Variants in TSC1 observed in about 807,000 individuals in gnomAD.
TSC1 encodes TSC complex subunit 1, also known as hamartin.
In TSC1, 20 loss-of-function variants were observed where a neutral mutation model predicts 124.3. That is an observed-to-expected ratio of 0.16 (90% confidence interval 0.11 to 0.23). The LOEUF (loss-of-function observed/expected upper bound fraction) is 0.23, where lower values mean the gene tolerates loss of function less well. TSC1 is among the 10% of genes least tolerant of loss of function. TSC1 has a pLI of 1.00. For missense variants in TSC1, 1,124 were observed against 1,448.5 expected, an observed-to-expected ratio of 0.78 and a Z score of 3.64; for synonymous variants, 493 against 539.1, an observed-to-expected ratio of 0.91 and a Z score of 1.19.
At chr9:132,897,042 A>C in intron 22 of TSC1, 142 bp downstream of exon 22, 1 of 1,396,030 alleles carries the variant, frequency 7.2e-7, no homozygotes, top group South Asian at 1.2e-5. Flanking sequence ...AAGGAACGTC[A>C]GAGTGGGTCT....
At chr9:132,943,036 A>C (rs1398341832) in intron 1 of TSC1, among the ~76,000 whole-genome samples, 1 of 152,228 alleles carries the variant, frequency 6.6e-6, no homozygotes, top group Non-Finnish European at 1.5e-5. Flanking sequence ...CGGTAAATCA[A>C]AGGCTCCCCA....
chr9:132,911,141 G>A, intron 10 of TSC1, 28 bp from the exon 11 acceptor site: 1 of 1,562,260 alleles, frequency 6.4e-7, no homozygotes, highest in Non-Finnish European at 8.8e-7. Flanking sequence ...TACATCAGCA[G>A]TGGCAAAGGA....
chr9:132,922,954 A>C (rs1036273545), intron 6 of TSC1, among the ~76,000 whole-genome samples: 3 of 152,158 alleles, frequency 2.0e-5, no homozygotes, highest in Admixed American at 2.0e-4. Flanking sequence ...AGGTACAACG[A>C]GTGGGTTCTC....
At chr9:132,919,247 G>A (rs759741229) in intron 8 of TSC1, among the ~76,000 whole-genome samples, 2 of 152,222 alleles carry the variant, frequency 1.3e-5, no homozygotes, top group Non-Finnish European at 2.9e-5. Flanking sequence ...GCCCATCATT[G>A]ACTGAAATGT....
At position 132,903,567 on chromosome 9, in the gene TSC1, T is replaced by A; in HGVS notation, c.2208+84A>T. On this transcript the variant is annotated intron_variant, in intron 17 of 22. Coordinates refer to ENST00000298552, the MANE Select transcript of TSC1 (RefSeq NM_000368.5). The surrounding 1 kb of genome is among the most constrained non-coding windows in gnomAD (Gnocchi z 5.9). ...GGAAGGACTGGGAACTCTGACCTCCTCGGCTGCTGTGCTTTATAAGCTATC... is the reference window on the plus strand; with the variant it reads ...GGAAGGACTGGGAACTCTGACCTCCACGGCTGCTGTGCTTTATAAGCTATC... 1 of 1,604,940 alleles carries A rather than the reference T, an allele frequency of 6.2e-7. No homozygotes were observed. Among genetic ancestry groups the A allele is most frequent in the South Asian group, 1.1e-5 (1 of 90,344 alleles).
Position 132,902,529 on chromosome 9 carries a change from G to A in TSC1, c.2391+76C>T, listed in dbSNP as rs888784245. ...AAGCTGAACAAGTCAAGGACACCCA[G>A]GGAAACTGACTGCCTCCCTCCCCAC... is the stretch of plus-strand genomic sequence containing the variant. On this transcript the variant is annotated intron_variant, in intron 18 of 22. Coordinates refer to ENST00000298552, the MANE Select transcript of TSC1 (RefSeq NM_000368.5). The surrounding 1 kb of genome is among the most constrained non-coding windows in gnomAD (Gnocchi z 5.2). 2 of 1,568,354 alleles carry A rather than the reference G, an allele frequency of 1.3e-6. No homozygotes were observed. The highest frequency in any genetic ancestry group is 1.7e-5 in the Admixed American group (1 of 59,958).
At chr9:132,914,433 G>C (rs962072913) in intron 8 of TSC1, among the ~76,000 whole-genome samples, 1 of 151,984 alleles carries the variant, frequency 6.6e-6, no homozygotes, top group African/African-American at 2.4e-5. Flanking sequence ...GCCAGAAGTG[G>C]GGGAAGAGAC....
intron 2 of TSC1, among the ~76,000 whole-genome samples, chr9:132,932,933 A>G (rs75041766): frequency 6.6e-6 from 1 of 152,250 alleles, no homozygotes; most frequent in Non-Finnish European, 1.5e-5. Flanking sequence ...TTTAAACTAT[A>G]CAACTAGTAG....
chr9:132,905,231 A>C (rs1845589205), intron 15 of TSC1, among the ~76,000 whole-genome samples: 1 of 152,232 alleles, frequency 6.6e-6, no homozygotes, highest in Non-Finnish European at 1.5e-5. Context: ...TGTGACAAAT[A>C]TTCTTATATT....
In TSC1 at chr9:132,928,134, G is replaced by A. The variant is rs114551182; in HGVS notation, c.106+633C>T. On this transcript the variant is annotated intron_variant, in intron 3 of 22. Coordinates refer to ENST00000298552, the MANE Select transcript of TSC1 (RefSeq NM_000368.5). ...TCTATGGCCTATTTCATTTCTTTCC[G>A]TCCTCCTAGTGTTCCACTGCATGGC... is the stretch of plus-strand genomic sequence containing the variant. Among the ~76,000 whole-genome samples the A allele has an allele frequency of 4.0e-3, 611 of 151,988 alleles. 7 individuals are homozygous for A. Among genetic ancestry groups the A allele is most frequent in the African/African-American group, 0.014 (586 of 41,416 alleles).
intron 8 of TSC1, among the ~76,000 whole-genome samples, chr9:132,917,461 G>A (rs1177888748): frequency 6.6e-6 from 1 of 152,054 alleles, no homozygotes; most frequent in Non-Finnish European, 1.5e-5. Context: ...CTCCCAAGTA[G>A]CTGGGATTAC....
chr9:132,907,474 A>C, intron 12 of TSC1, 104 bp from the exon 13 acceptor site: 10 of 922,866 alleles, frequency 1.1e-5, no homozygotes, highest in Non-Finnish European at 1.8e-5. Flanking sequence ...AGTGATTCTC[A>C]AATTGTTGGG....
In TSC1 at chr9:132,932,795, A is replaced by G. The variant is rs1458166939; in HGVS notation, c.-81+2238T>C. ...AAACACTCTTCTCCCACATCCTTGC[A>G]CAGCTGACGGTCTCGCAGATATCTG... On this transcript the variant is annotated intron_variant, in intron 2 of 22. Coordinates refer to ENST00000298552, the MANE Select transcript of TSC1 (RefSeq NM_000368.5). Among the ~76,000 whole-genome samples the G allele has an allele frequency of 2.0e-5, 3 of 152,124 alleles. No homozygotes were observed. In the East Asian group the frequency reaches 5.8e-4, roughly 29 times the overall value.
intron 1 of TSC1, among the ~76,000 whole-genome samples, chr9:132,944,200 G>C (rs777584403): frequency 2.0e-5 from 3 of 151,956 alleles, no homozygotes; most frequent in African/African-American, 7.3e-5. Context: ...GCGTGAACCT[G>C]TCACCCCACC....
At chr9:132,904,908 T>C (rs1845575649) in intron 15 of TSC1, among the ~76,000 whole-genome samples, 1 of 152,222 alleles carries the variant, frequency 6.6e-6, no homozygotes, top group Non-Finnish European at 1.5e-5. Context: ...CCTAAGCCTA[T>C]CATACCAAAT....
intron 1 of TSC1, among the ~76,000 whole-genome samples, chr9:132,938,776 T>C (rs891098489): frequency 6.6e-6 from 1 of 152,232 alleles, no homozygotes; most frequent in African/African-American, 2.4e-5. Flanking sequence ...TAGTGGCAGA[T>C]ACCTAAGATG....
Position 132,895,387 on chromosome 9 carries a change from G to A in TSC1, c.*848C>T, listed in dbSNP as rs1019174030. ...AAGGTGCAGTTCCTCATGCTCAAGT[G>A]CTTCTCGGGTAACCTCTCCCAGTGA... On this transcript the variant is annotated 3_prime_UTR_variant, in exon 23 of 23. Transcript: ENST00000298552. 4.3e-6 allele frequency: 1 copy of A among 233,514 alleles called. No individual in the cohort carries two copies. The allele number at this position is 233,514 out of a possible 1,614,324, so 14.5% of individuals were successfully genotyped here. A position where few individuals can be genotyped will look rare whatever the true frequency, so the allele number is the denominator to read the frequency against.
rs943959765 is a variant in TSC1 at position 132,927,393 on chromosome 9, A to C, written c.107-89T>G. 5.6e-6 allele frequency: 7 copies of C among 1,259,790 alleles called. No homozygotes were observed. The African/African-American group carries it at 8.9e-5, about 16-fold the overall frequency. The allele number at this position is 1,259,790 out of a possible 1,614,324, so 78.0% of individuals were successfully genotyped here. A position where few individuals can be genotyped will look rare whatever the true frequency, so the allele number is the denominator to read the frequency against. On this transcript the variant is annotated intron_variant, in intron 3 of 22. Transcript: ENST00000298552. ...CAGCTTCCTGTCACAAAATCCAGAA[A>C]ATGTTTCTTTATATGCTATTCTAAG...
At chr9:132,907,441 T>A (rs2131885673) in intron 12 of TSC1, 71 bp from the exon 13 acceptor site, 1 of 1,258,652 alleles carries the variant, frequency 7.9e-7, no homozygotes, top group Non-Finnish European at 1.2e-6. Context: ...TATTGTAAAG[T>A]AGTTTAAAGG....
Sources: gnomAD v4.1 joint callset for allele counts (sites outside exome capture counted in the v4.1 genomes callset) on GRCh38, gnomAD v4.1.1 for gene constraint, Gnocchi (gnomAD v3.1) non-coding constraint, MANE v1.5 for transcripts, NCBI Gene and HGNC (gene_info 2026-07-23, HGNC 2026-07-21) for gene names.